Variants in CNTLN observed in about 807,000 individuals in gnomAD.
CNTLN encodes the protein centlein, also known as centlein, centrosomal protein.
A neutral mutation model predicts 180.0 loss-of-function variants in CNTLN; 212 were observed. That is an observed-to-expected ratio of 1.18 (90% CI 1.05 to 1.32). The LOEUF (loss-of-function observed/expected upper bound fraction) is 1.32. Ranked by LOEUF, CNTLN falls within the 40% of genes most tolerant of loss-of-function variation. The pLI is 0.00. For missense variants in CNTLN, 2,095 were observed against 1,610.9 expected, an observed-to-expected ratio of 1.30 and a Z score of -5.14; for synonymous variants, 722 against 563.1, an observed-to-expected ratio of 1.28 and a Z score of -3.99.
intron 18 of CNTLN, among the ~76,000 whole-genome samples, chr9:17,454,632 T>C (rs1030146815): frequency 3.9e-5 from 6 of 152,248 alleles, no homozygotes; most frequent in African/African-American, 1.2e-4. Flanking sequence ...TACCACAAGA[T>C]AACAATGCTG....
intron 5 of CNTLN, among the ~76,000 whole-genome samples, chr9:17,267,072 C>A (rs530869148): frequency 8.5e-5 from 13 of 152,178 alleles, no homozygotes; most frequent in Admixed American, 8.5e-4. Context: ...TGAATTTGGG[C>A]CTGTCATTAT....
rs370258809 is a variant in CNTLN at position 17,484,367 on chromosome 9, A to G, written c.3928A>G (p.Lys1310Glu). Residue 1310 changes from lysine to glutamate, a missense_variant, in exon 24 of 26, where the codon AAA (lysine) becomes GAA (glutamate). By Grantham distance (56) the Lys-to-Glu change is moderately conservative. Transcript: ENST00000380647. ...AATAAGAGAGCTTAAAAAAATGAAGAAAAACAGGGACGCCTGTAAAACCTC... is the reference window on the plus strand; with the variant it reads ...AATAAGAGAGCTTAAAAAAATGAAGGAAAACAGGGACGCCTGTAAAACCTC... ...RQIRELKKMK[K>E]NRDACKTSTH... is the part of the protein sequence containing the mutation. The G allele has an allele frequency of 2.4e-5, 38 of 1,612,376 alleles. No homozygotes were observed. In the African/African-American group the frequency reaches 5.1e-4, roughly 22 times the overall value.
intron 25 of CNTLN, among the ~76,000 whole-genome samples, chr9:17,501,840 G>C (rs903463903): frequency 3.9e-5 from 6 of 152,208 alleles, no homozygotes; most frequent in Non-Finnish European, 8.8e-5. Context: ...CTGCATTTCA[G>C]ATTGTCTTTT....
chr9:17,283,823 G>A (rs532395153), intron 6 of CNTLN, among the ~76,000 whole-genome samples: 24 of 152,060 alleles, frequency 1.6e-4, no homozygotes, highest in African/African-American at 5.8e-4. Flanking sequence ...GAATTTTATC[G>A]AAGGCCTTTT....
rs1828360089 is a variant in CNTLN at position 17,277,070 on chromosome 9, G to T, written c.983+3204G>T. ...AAAACTTTTACCTGATGGTAATGAT[G>T]GAGCTACTGTTTCTGTATGGATTTC... On this transcript the variant is annotated intron_variant, in intron 6 of 25. Transcript: ENST00000380647. Among the ~76,000 whole-genome samples, 6 of 136,958 alleles carry T rather than the reference G, an allele frequency of 4.4e-5. 1 individual carries two copies. The highest frequency in any genetic ancestry group is 5.5e-5 in the African/African-American group (2 of 36,342). The allele number at this position is 136,958 out of a possible 152,430, so 89.8% of individuals were successfully genotyped here. A position where few individuals can be genotyped will look rare whatever the true frequency, so the allele number is the denominator to read the frequency against.
intron 6 of CNTLN, among the ~76,000 whole-genome samples, chr9:17,283,531 G>T (rs1828790816): frequency 6.6e-6 from 1 of 152,118 alleles, no homozygotes; most frequent in Admixed American, 6.6e-5. Flanking sequence ...ATAGAATCAT[G>T]TCATCTGCAA....
At chr9:17,314,214 A>T (rs915307566) in intron 8 of CNTLN, among the ~76,000 whole-genome samples, 1 of 152,108 alleles carries the variant, frequency 6.6e-6, no homozygotes, top group Non-Finnish European at 1.5e-5. Flanking sequence ...CTCCTTTAAA[A>T]TCCGTATTTT....
intron 12 of CNTLN, among the ~76,000 whole-genome samples, chr9:17,345,190 A>G (rs1021750771): frequency 2.0e-5 from 3 of 152,190 alleles, no homozygotes; most frequent in African/African-American, 7.2e-5. Flanking sequence ...TTGTGTGAAC[A>G]TAACTTTTAT....
intron 18 of CNTLN, chr9:17,448,333 A>G (rs1447368072): frequency 6.6e-6 from 1 of 152,362 alleles, no homozygotes; most frequent in Non-Finnish European, 1.5e-5. Flanking sequence ...CCTTAAAAAC[A>G]TCTCCAGTTT....
intron 10 of CNTLN, among the ~76,000 whole-genome samples, chr9:17,333,319 TTTTCAATATGCAAGTTG>T (rs1820768285): frequency 6.6e-6 from 1 of 152,158 alleles, no homozygotes; most frequent in African/African-American, 2.4e-5. Flanking sequence ...TGAAATCTCT[TTTTCAATATGCAAGTTG>T]TTCATACATA....
intron 25 of CNTLN, among the ~76,000 whole-genome samples, chr9:17,491,088 T>C (rs954398311): frequency 3.9e-5 from 6 of 152,128 alleles, no homozygotes; most frequent in Admixed American, 3.9e-4. Flanking sequence ...CTGCCCATTC[T>C]GATCCCCCAA....
At chr9:17,491,814 CT>C (rs1288612559) in intron 25 of CNTLN, among the ~76,000 whole-genome samples, 1 of 152,124 alleles carries the variant, frequency 6.6e-6, no homozygotes, top group Non-Finnish European at 1.5e-5. Flanking sequence ...AGTGTCCTCT[CT>C]GCAAAATATG....
chr9:17,230,389 G>A (rs183461726), intron 3 of CNTLN, among the ~76,000 whole-genome samples: 235 of 151,438 alleles, frequency 1.6e-3, no homozygotes, highest in African/African-American at 5.4e-3. Flanking sequence ...GTGGTGGTGG[G>A]GTGTTGGGGG....
At chr9:17,144,613 T>C (rs1818320747) in intron 2 of CNTLN, among the ~76,000 whole-genome samples, 1 of 151,730 alleles carries the variant, frequency 6.6e-6, no homozygotes, top group Admixed American at 6.6e-5. Flanking sequence ...CTTTACAATG[T>C]CTGTTTTTCA....
At position 17,394,825 on chromosome 9, in the gene CNTLN, C is replaced by G. The variant is rs749115614; in HGVS notation, c.2371C>G (p.Leu791Val). The change falls in exon 15 of 26, where the codon CTG (leucine) becomes GTG (valine). Residue 791 changes from leucine to valine, a missense_variant. Leu to Val is a conservative substitution (Grantham distance 32). Coordinates refer to ENST00000380647, the MANE Select transcript of CNTLN (RefSeq NM_017738.4). Reference protein sequence around the residue: ...ANALRNENEELINPMEKSHQS... With the variant: ...ANALRNENEEVINPMEKSHQS... Reference sequence around the variant, plus strand: ...TGCATTGAGAAATGAAAATGAAGAGCTGATCAACCCAATGGAGAAATCACA... The same window carrying G: ...TGCATTGAGAAATGAAAATGAAGAGGTGATCAACCCAATGGAGAAATCACA... 1 of 1,613,882 alleles carries G rather than the reference C, an allele frequency of 6.2e-7. No homozygotes were observed. Among genetic ancestry groups the G allele is most frequent in the South Asian group, 1.1e-5 (1 of 91,074 alleles).
intron 5 of CNTLN, among the ~76,000 whole-genome samples, chr9:17,254,185 G>A (rs752315740): frequency 6.6e-6 from 1 of 151,566 alleles, no homozygotes; most frequent in African/African-American, 2.4e-5. Context: ...TTGGCCACTT[G>A]TATATCATCT....
At chr9:17,169,922 C>T (rs539996157) in intron 2 of CNTLN, among the ~76,000 whole-genome samples, 137 of 152,060 alleles carry the variant, frequency 9.0e-4, no homozygotes, top group African/African-American at 3.2e-3. Flanking sequence ...CTTTTTTTCA[C>T]TTGTATGAAA....
At chr9:17,275,888 A>G (rs1828278442) in intron 6 of CNTLN, among the ~76,000 whole-genome samples, 1 of 152,102 alleles carries the variant, frequency 6.6e-6, no homozygotes, top group Admixed American at 6.6e-5. Flanking sequence ...GGAACAAAAA[A>G]CCAAATACTT....
At chr9:17,271,710 G>A (rs1175219167) in intron 5 of CNTLN, among the ~76,000 whole-genome samples, 1 of 151,922 alleles carries the variant, frequency 6.6e-6, no homozygotes, top group Non-Finnish European at 1.5e-5. Flanking sequence ...TTTTTATCTT[G>A]CAACTCCACA....
Sources: allele counts gnomAD v4.1 joint callset (sites outside exome capture counted in the v4.1 genomes callset), GRCh38; gene constraint gnomAD v4.1.1; transcripts MANE v1.5; gene names NCBI Gene and HGNC (gene_info 2026-07-23, HGNC 2026-07-21).